The following SH3BP1 variants were observed in gnomAD, a reference collection of about 807,000 sequenced individuals.
The protein encoded by SH3BP1 is SH3 domain-binding protein 1.
SH3BP1 carries 46 observed loss-of-function variants against 69.8 expected under a neutral mutation model. The observed-to-expected ratio is 0.66, with a 90% CI of 0.52 to 0.84. The LOEUF (loss-of-function observed/expected upper bound fraction) is 0.84. SH3BP1 is among the 40% of genes least tolerant of loss of function. The probability of loss-of-function intolerance (pLI) is 0.00; values close to 1 mark genes in which losing one functional copy is unlikely to be tolerated. For missense variants in SH3BP1, 868 were observed against 930.9 expected (o/e 0.93, Z 0.88); for synonymous variants, 403 against 378.0 (o/e 1.07, Z -0.77).
intron 1 of SH3BP1, chr22:37,640,923 C>G (rs1932560319): frequency 1.7e-6 from 1 of 595,754 alleles, no homozygotes; most frequent in Non-Finnish European, 3.0e-6. Flanking sequence ...GAGGAAAAAC[C>G]CATGTATCCT....
At chr22:37,639,931 G>GT in intron 1 of SH3BP1, 85 bp downstream of exon 1, 2 of 846,054 alleles carry the variant, frequency 2.4e-6, no homozygotes, top group Non-Finnish European at 3.6e-6. Context: ...GGGGGTGGGG[G>GT]AGGCTGGGGA....
intron 17 of SH3BP1, among the ~76,000 whole-genome samples, chr22:37,654,571 CAAAA>C (rs532974366): frequency 2.3e-3 from 280 of 122,588 alleles, no homozygotes; most frequent in African/African-American, 8.2e-3. Flanking sequence ...GACTCTGTCT[CAAAA>C]AAAAAAAAAG....
chr22:37,651,335 C>CTTTT (rs796111906), intron 16 of SH3BP1, among the ~76,000 whole-genome samples: 1 of 136,692 alleles, frequency 7.3e-6, no homozygotes, highest in Non-Finnish European at 1.6e-5. Flanking sequence ...CACCCAGCCT[C>CTTTT]TTTTTTTTTT....
At position 37,655,530 on chromosome 22, in the gene SH3BP1, C is replaced by T; in HGVS notation, c.1952C>T (p.Ser651Phe). 6.3e-7 allele frequency: 1 copy of T among 1,588,976 alleles called. No individual in the cohort carries two copies. Among genetic ancestry groups the T allele is most frequent in the Non-Finnish European group, 8.6e-7 (1 of 1,169,256 alleles). ...SPSPASPGPA[S>F]PSPVSLSNPA... Reference sequence around the variant, plus strand: ...AGCCCGGCCTCCCCAGGTCCAGCCTCCCCCAGCCCAGTCTCTTTGAGTAAC... The same window carrying T: ...AGCCCGGCCTCCCCAGGTCCAGCCTTCCCCAGCCCAGTCTCTTTGAGTAAC... Residue 651 changes from serine (S) to phenylalanine (F), a missense_variant, in exon 18 of 18, where the codon TCC (serine) becomes TTC (phenylalanine). Around this residue, in one of 3 missense-constraint regions of SH3BP1, gnomAD observed 474 missense variants for 462.3 expected, o/e 1.03. Transcript: ENST00000649765.
At chr22:37,641,767 C>A in intron 3 of SH3BP1, 1 of 367,122 alleles carries the variant, frequency 2.7e-6, no homozygotes, top group Non-Finnish European at 5.0e-6. Context: ...GTCAATGGGG[C>A]GGCCTCAGAG....
intron 16 of SH3BP1, among the ~76,000 whole-genome samples, chr22:37,652,825 C>G (rs993743530): frequency 1.0e-5 from 1 of 97,826 alleles, no homozygotes; most frequent in South Asian, 3.3e-4. Context: ...AACTCCATCT[C>G]AAAAAAAAAA....
In SH3BP1 at chr22:37,646,901, G is replaced by A. The variant is rs1932794723; in HGVS notation, c.1008G>A (p.Glu336=). 3.2e-6 allele frequency: 5 copies of A among 1,561,248 alleles called. No individual in the cohort carries two copies. In the East Asian group the frequency reaches 1.2e-4, roughly 36 times the overall value. The change falls in exon 11 of 18, where the codon GAG becomes GAA. Residue 336 remains glutamate, a synonymous_variant. Coordinates refer to ENST00000649765, the MANE Select transcript of SH3BP1 (RefSeq NM_018957.6). ...TMASDPHSLE[E]FCSDPHAVAG... ...CCTCGGACCCCCACAGCCTGGAGGA[G>A]TTCTGCTCCGACCCGCACGCTGTGG... is the stretch of plus-strand genomic sequence containing the variant.
At position 37,648,442 on chromosome 22, in the gene SH3BP1, G is replaced by C; in HGVS notation, c.1316+7G>C. On this transcript the variant is annotated splice_region_variant and intron_variant, in intron 14 of 17. Transcript: ENST00000649765. ...GGCCACCTGAGAAAGAAGGGTGAGG[G>C]GCCGCGGGCTGGGGGAGGTGGCAGG... The C allele has an allele frequency of 6.5e-7, 1 of 1,544,748 alleles. No homozygotes were observed. Among genetic ancestry groups the C allele is most frequent in the Non-Finnish European group, 8.8e-7 (1 of 1,135,934 alleles).
At position 37,655,620 on chromosome 22, in the gene SH3BP1, T is replaced by A; in HGVS notation, c.2042T>A (p.Val681Asp). 5 of 1,524,632 alleles carry A rather than the reference T, an allele frequency of 3.3e-6. No homozygotes were observed. The highest frequency in any genetic ancestry group is 4.4e-6 in the Non-Finnish European group (5 of 1,128,588). 94.4% of individuals were successfully genotyped at this position (1,524,632 alleles called of 1,614,324 possible). A position where few individuals can be genotyped will look rare whatever the true frequency, so the allele number is the denominator to read the frequency against. ...EGGAPEAISG[V>D]PTPPAIPPQP... ...GGAGCCCCTGAGGCTATCAGTGGGG[T>A]CCCCACTCCCCCAGCTATCCCCCCT... The change falls in exon 18 of 18, where the codon GTC becomes GAC. Residue 681 changes from valine to aspartate, a missense_variant. Coordinates refer to ENST00000649765, the MANE Select transcript of SH3BP1 (RefSeq NM_018957.6).
chr22:37,655,161 C>T lies in SH3BP1; in HGVS notation c.1694-111C>T. 5 of 762,704 alleles carry T rather than the reference C, an allele frequency of 6.6e-6. No homozygotes were observed. In the South Asian group the frequency reaches 9.6e-5, roughly 15 times the overall value. The allele number at this position is 762,704 out of a possible 1,614,324, so 47.2% of individuals were successfully genotyped here. Reference sequence around the variant, plus strand: ...AGGAGCCAGCCGCAGAAACGGTGTTCCCGGCAGAGGGAACAGCAGATGCAA... The same window carrying T: ...AGGAGCCAGCCGCAGAAACGGTGTTTCCGGCAGAGGGAACAGCAGATGCAA... On this transcript the variant is annotated intron_variant, in intron 17 of 17. Transcript: ENST00000649765.
In SH3BP1 at chr22:37,650,221, C is replaced by T. The variant is rs770695285; in HGVS notation, c.1386C>T (p.Ile462=). 6.2e-7 allele frequency: 1 copy of T among 1,612,784 alleles called. No homozygotes were observed. ...TGGTGGGCGTCGTCGAGGCGCTGAT[C>T]CAGAGCGCAGACACCCTCTTCCCTG... ...IQVVGVVEAL[I]QSADTLFPGD... is the part of the protein sequence containing the mutation. Residue 462 remains isoleucine (I), a synonymous_variant, in exon 15 of 18, where the codon ATC becomes ATT. Coordinates refer to ENST00000649765, the MANE Select transcript of SH3BP1 (RefSeq NM_018957.6).
chr22:37,639,985 C>A (rs888464737), intron 1 of SH3BP1, 139 bp downstream of exon 1: 10 of 594,470 alleles, frequency 1.7e-5, no homozygotes, highest in Non-Finnish European at 2.8e-5. Context: ...CCTGCTCTCT[C>A]TTCCTCCTCT....
Position 37,655,900 on chromosome 22 carries a change from C to G in SH3BP1, c.*216C>G, listed in dbSNP as rs746391647. 9 of 1,562,730 alleles carry G rather than the reference C, an allele frequency of 5.8e-6. No homozygotes were observed. Among genetic ancestry groups the G allele is most frequent in the Non-Finnish European group, 7.7e-6 (9 of 1,161,482 alleles). On this transcript the variant is annotated 3_prime_UTR_variant, in exon 18 of 18. Coordinates refer to ENST00000649765, the MANE Select transcript of SH3BP1 (RefSeq NM_018957.6). Reference sequence around the variant, plus strand: ...GTCCACCCTGGGCTTGGGGACCCCCCCACCGGACTCTCCACTCTCCGGCAG... The same window carrying G: ...GTCCACCCTGGGCTTGGGGACCCCCGCACCGGACTCTCCACTCTCCGGCAG...
chr22:37,641,243 C>T (rs576954012), intron 2 of SH3BP1, 75 bp downstream of exon 2: 122 of 1,519,844 alleles, frequency 8.0e-5, no homozygotes, highest in South Asian at 7.1e-4. Context: ...GGGGCGGGGA[C>T]GCCAGGTAGG....
chr22:37,655,509 C>A lies in SH3BP1; in HGVS notation c.1931C>A (p.Pro644Gln). 1.3e-6 allele frequency: 2 copies of A among 1,575,238 alleles called. No individual in the cohort carries two copies. Among genetic ancestry groups the A allele is most frequent in the East Asian group, 2.3e-5 (1 of 42,568 alleles). Residue 644 changes from proline (P) to glutamine (Q), a missense_variant, in exon 18 of 18, where the codon CCG becomes CAG. Coordinates refer to ENST00000649765, the MANE Select transcript of SH3BP1 (RefSeq NM_018957.6). ...QSRRSPASPS[P>Q]ASPGPASPSP... ...CGGCGTTCACCAGCCTCCCCCAGCC[C>A]GGCCTCCCCAGGTCCAGCCTCCCCC... is the stretch of plus-strand genomic sequence containing the variant.
At chr22:37,650,028 G>A (rs948284129) in intron 14 of SH3BP1, 124 bp from the exon 15 acceptor site, 4 of 1,045,654 alleles carry the variant, frequency 3.8e-6, no homozygotes, top group African/African-American at 3.1e-5. Context: ...CTGGTGGTTT[G>A]TGGGCTTTTT....
intron 6 of SH3BP1, 69 bp from the exon 7 acceptor site, chr22:37,643,575 A>G (rs771534120): frequency 3.9e-5 from 63 of 1,598,930 alleles, no homozygotes; most frequent in Non-Finnish European, 5.1e-5. Flanking sequence ...GGTCTGCTGT[A>G]TGGAGGGGAC....
chr22:37,655,335 C>G lies in SH3BP1; in HGVS notation c.1757C>G (p.Ser586Cys), dbSNP rs772912475. ...PPPQVSGSRS[S>C]PPAPPLPPGS... ...CCCCAGGTCTCCGGCTCCCGCTCCT[C>G]CCCTCCAGCCCCGCCCTTGCCCCCT... The change falls in exon 18 of 18, where the codon TCC (serine) becomes TGC (cysteine). Residue 586 changes from serine (S) to cysteine (C), a missense_variant. By Grantham distance (112) the Ser-to-Cys change is moderately radical (BLOSUM62 -1). Around this residue, in one of 3 missense-constraint regions of SH3BP1, gnomAD observed 474 missense variants for 462.3 expected, o/e 1.03. Transcript: ENST00000649765. 2.6e-5 allele frequency: 38 copies of G among 1,478,284 alleles called. No individual in the cohort carries two copies. Among genetic ancestry groups the G allele is most frequent in the Non-Finnish European group, 3.3e-5 (37 of 1,106,176 alleles). The allele number at this position is 1,478,284 out of a possible 1,614,324, so 91.6% of individuals were successfully genotyped here.
At chr22:37,652,309 CAAAA>C (rs138706015) in intron 16 of SH3BP1, among the ~76,000 whole-genome samples, 4 of 69,142 alleles carry the variant, frequency 5.8e-5, no homozygotes, top group Non-Finnish European at 6.5e-5. Flanking sequence ...GACTCCGTCT[CAAAA>C]AAAAAAAAAA....
Sources: allele counts gnomAD v4.1 joint callset (sites outside exome capture counted in the v4.1 genomes callset), GRCh38; gene constraint gnomAD v4.1.1; regional missense constraint gnomAD v4.1.1; transcripts MANE v1.5; gene names NCBI Gene and HGNC (gene_info 2026-07-23, HGNC 2026-07-21).